Variants in TP63 observed in about 807,000 individuals in gnomAD.
TP63 encodes the protein tumor protein p63, also known as tumor protein 63.
Under a neutral mutation model 82.8 loss-of-function variants are expected in TP63, and 17 were observed. That is an observed-to-expected ratio of 0.21 (90% CI 0.14 to 0.31). The LOEUF (loss-of-function observed/expected upper bound fraction) is 0.31, where lower values mean the gene tolerates loss of function less well. TP63 is among the 10% of genes least tolerant of loss of function. TP63 has a pLI of 1.00. For synonymous variants in TP63, 330 were observed against 321.7 expected (o/e 1.03, Z -0.28); for missense variants, 648 against 895.3 (o/e 0.72, Z 3.52).
intron 3 of TP63, among the ~76,000 whole-genome samples, chr3:189,742,960 G>A (rs533013114): frequency 6.6e-6 from 1 of 151,988 alleles, no homozygotes; most frequent in Non-Finnish European, 1.5e-5. Context: ...AAATAATCAG[G>A]TTTGGGTAAC....
chr3:189,598,353 A>G, the TP63 span, among the ~76,000 whole-genome samples: 1 of 151,594 alleles, frequency 6.6e-6, no homozygotes, highest in Non-Finnish European at 1.5e-5. Flanking sequence ...AGAGGAAAAT[A>G]GGGAAGGAAA....
At position 189,779,719 on chromosome 3, in the gene TP63, A is replaced by G. The variant is rs1724081475; in HGVS notation, c.325-28553A>G. Reference sequence around the variant, plus strand: ...TCCAGCCTTAAGTATAGTTTATTGTATGAACTTGAGTATGACGTTTAACCC... The same window carrying G: ...TCCAGCCTTAAGTATAGTTTATTGTGTGAACTTGAGTATGACGTTTAACCC... On this transcript the variant is annotated intron_variant, in intron 3 of 13. Transcript: ENST00000264731. Among the ~76,000 whole-genome samples, 3 of 152,188 alleles carry G rather than the reference A, an allele frequency of 2.0e-5. No individual in the cohort carries two copies. The South Asian group carries it at 6.2e-4, about 31-fold the overall frequency.
the TP63 span, among the ~76,000 whole-genome samples, chr3:189,611,056 G>T: frequency 1.2e-4 from 18 of 152,212 alleles, no homozygotes; most frequent in African/African-American, 3.9e-4. Flanking sequence ...ATAACATGTG[G>T]GAATATAAGA....
intron 3 of TP63, among the ~76,000 whole-genome samples, chr3:189,784,979 T>C (rs754573597): frequency 2.0e-4 from 31 of 152,066 alleles, no homozygotes; most frequent in Non-Finnish European, 2.5e-4. Context: ...AAAGATCTCA[T>C]TGGTTTTGTT....
intron 4 of TP63, among the ~76,000 whole-genome samples, chr3:189,826,972 C>A (rs1711528767): frequency 6.6e-6 from 1 of 152,156 alleles, no homozygotes; most frequent in Admixed American, 6.5e-5. Flanking sequence ...AGGCAAGTGA[C>A]CTGATGCTTC....
the TP63 span, among the ~76,000 whole-genome samples, chr3:189,614,596 T>C: frequency 1.1e-4 from 17 of 152,234 alleles, no homozygotes; most frequent in African/African-American, 2.7e-4. Context: ...GTCCTATGTA[T>C]ACAGTAATAT....
chr3:189,883,522 T>G (rs892957225), intron 10 of TP63, among the ~76,000 whole-genome samples: 1 of 152,196 alleles, frequency 6.6e-6, no homozygotes, highest in Non-Finnish European at 1.5e-5. Flanking sequence ...ATGGGCCACA[T>G]ATCAGAGTGT....
chr3:189,895,043 G>A lies in TP63; in HGVS notation c.*541G>A, dbSNP rs73199799. The A allele has an allele frequency of 0.084, 18,407 of 220,162 alleles. 927 individuals carry two copies. Among genetic ancestry groups the A allele is most frequent in the African/African-American group, 0.14 (6,359 of 44,606 alleles). 13.6% of individuals were successfully genotyped at this position (220,162 alleles called of 1,614,324 possible). A position where few individuals can be genotyped will look rare whatever the true frequency, so the allele number is the denominator to read the frequency against. On this transcript the variant is annotated 3_prime_UTR_variant, in exon 14 of 14. Transcript: ENST00000264731. The stretch of plus-strand genomic sequence containing the variant: ...GAGCTTAATGCTACATGTGAGTGAC[G>A]ATGATGTACAGATTCTTTCAGTTCT...
At chr3:189,861,098 G>A (rs1716980536) in intron 4 of TP63, among the ~76,000 whole-genome samples, 1 of 151,644 alleles carries the variant, frequency 6.6e-6, no homozygotes, top group African/African-American at 2.4e-5. Context: ...CGTATGTTTA[G>A]TAGAGACTGG....
rs192499533 is a variant in TP63, at chr3:189,737,434, C to T, written c.63-306C>T. ...GAAATGTTTATTTTCTTTTCAAAATCTACAGAACACAGATGTCGGATAGTG... is the reference window on the plus strand; with the variant it reads ...GAAATGTTTATTTTCTTTTCAAAATTTACAGAACACAGATGTCGGATAGTG... On this transcript the variant is annotated intron_variant, in intron 1 of 13. Coordinates refer to ENST00000264731, the MANE Select transcript of TP63 (RefSeq NM_003722.5). Among the ~76,000 whole-genome samples, 262 of 152,146 alleles carry T rather than the reference C, an allele frequency of 1.7e-3. 4 individuals are homozygous for T. Among genetic ancestry groups the T allele is most frequent in the Non-Finnish European group, 8.1e-4 (55 of 67,964 alleles).
At chr3:189,614,473 G>A in the TP63 span, among the ~76,000 whole-genome samples, 1 of 152,128 alleles carries the variant, frequency 6.6e-6, no homozygotes, top group Admixed American at 6.5e-5. Flanking sequence ...CATGAAAATG[G>A]ACTAATATAG....
At chr3:189,743,872 A>G (rs527338446) in intron 3 of TP63, among the ~76,000 whole-genome samples, 7 of 152,314 alleles carry the variant, frequency 4.6e-5, no homozygotes, top group African/African-American at 1.7e-4. Flanking sequence ...TTACCACCAC[A>G]GACTCCTATT....
intron 10 of TP63, 138 bp downstream of exon 10, chr3:189,873,133 C>T (rs750852589): frequency 8.1e-6 from 11 of 1,357,156 alleles, no homozygotes; most frequent in Non-Finnish European, 1.2e-5. Flanking sequence ...CCTGGTATGG[C>T]AACCCTCTTT....
intron 3 of TP63, among the ~76,000 whole-genome samples, chr3:189,763,068 C>G (rs1722695903): frequency 2.0e-5 from 3 of 152,058 alleles, no homozygotes; most frequent in Non-Finnish European, 4.4e-5. Context: ...CTTGGGAGTT[C>G]AAGATCAGCC....
At chr3:189,773,881 A>AAG (rs1723561135) in intron 3 of TP63, among the ~76,000 whole-genome samples, 1 of 149,202 alleles carries the variant, frequency 6.7e-6, no homozygotes, top group Non-Finnish European at 1.5e-5. Context: ...CTTAGGAGGT[A>AAG]AGAGAACACA....
At position 189,868,735 on chromosome 3, in the gene TP63, C is replaced by T. The variant is rs751872863; in HGVS notation, c.1129+19C>T. On this transcript the variant is annotated intron_variant, in intron 8 of 13. Coordinates refer to ENST00000264731, the MANE Select transcript of TP63 (RefSeq NM_003722.5). ...AAGCGCCGTAAGTAGATGTAGTGGCCAAATGGGGTAGGGTTGAATCTTCTC... is the reference window on the plus strand; with the variant it reads ...AAGCGCCGTAAGTAGATGTAGTGGCTAAATGGGGTAGGGTTGAATCTTCTC... 3.0e-5 allele frequency: 49 copies of T among 1,613,550 alleles called. No homozygotes were observed. Among genetic ancestry groups the T allele is most frequent in the Non-Finnish European group, 4.0e-5 (47 of 1,179,858 alleles).
At chr3:189,683,250 G>A (rs1357118606) in intron 1 of TP63, among the ~76,000 whole-genome samples, 2 of 152,156 alleles carry the variant, frequency 1.3e-5, no homozygotes, top group Admixed American at 6.5e-5. Context: ...ATATGTATCT[G>A]TTCATTTAGG....
At chr3:189,715,820 A>C (rs1718916759) in intron 1 of TP63, among the ~76,000 whole-genome samples, 1 of 152,186 alleles carries the variant, frequency 6.6e-6, no homozygotes, top group Admixed American at 6.5e-5. Flanking sequence ...AGAGACCATG[A>C]AATTGTTTGA....
At chr3:189,863,443 G>A (rs957551421) in intron 4 of TP63, among the ~76,000 whole-genome samples, 5 of 152,130 alleles carry the variant, frequency 3.3e-5, no homozygotes, top group Admixed American at 1.3e-4. Context: ...TCTCCAGCCC[G>A]TTTTGCCAAC....
Sources: allele counts gnomAD v4.1 joint callset (sites outside exome capture counted in the v4.1 genomes callset), GRCh38; gene constraint gnomAD v4.1.1; transcripts MANE v1.5; gene names NCBI Gene and HGNC (gene_info 2026-07-23, HGNC 2026-07-21).